TSEN34: variants seen among roughly 807,000 people sequenced by gnomAD.
The protein encoded by TSEN34 is tRNA splicing endonuclease subunit 34, also known as tRNA-splicing endonuclease subunit Sen34.
A neutral mutation model predicts 30.2 loss-of-function variants in TSEN34; 25 were observed. The observed-to-expected ratio is 0.83, with a 90% CI of 0.60 to 1.16. The LOEUF (loss-of-function observed/expected upper bound fraction) is 1.16. Ranked by LOEUF, TSEN34 falls within the 50% of genes most tolerant of loss-of-function variation. The pLI is 0.00. For missense variants in TSEN34, 475 were observed against 411.9 expected (o/e 1.15, Z -1.33); for synonymous variants, 209 against 177.4 (o/e 1.18, Z -1.41).
rs11879943 is a variant in TSEN34 at position 54,192,316 on chromosome 19, C to G, written c.688C>G (p.Arg230Gly). ...CAGTATCTACAGAGACCTGTGGGAG[C>G]GAGGCTTCTTCCTCAGTGCGGCTGG... ...RYSIYRDLWE[R>G]GFFLSAAGKF... The change falls in exon 3 of 4, where the codon CGA (arginine) becomes GGA (glycine). Residue 230 changes from arginine to glycine, a missense_variant. Physicochemically the swap from Arg to Gly is moderately radical, Grantham distance 125 (BLOSUM62 -2). Transcript: ENST00000396388. 2 of 1,614,070 alleles carry G rather than the reference C, an allele frequency of 1.2e-6. No homozygotes were observed. Among genetic ancestry groups the G allele is most frequent in the Non-Finnish European group, 1.7e-6 (2 of 1,180,024 alleles).
At chr19:54,192,426 G>T in intron 3 of TSEN34, 53 bp downstream of exon 3, 2 of 1,564,274 alleles carry the variant, frequency 1.3e-6, no homozygotes, top group Non-Finnish European at 1.7e-6. Context: ...CGATCCCAAT[G>T]TATTCTGCGT....
chr19:54,193,746 G>A lies in TSEN34; in HGVS notation c.*384G>A, dbSNP rs1052800195. 6 of 713,872 alleles carry A rather than the reference G, an allele frequency of 8.4e-6. No homozygotes were observed. In the African/African-American group the frequency reaches 1.0e-4, roughly 12 times the overall value. 44.2% of individuals were successfully genotyped at this position (713,872 alleles called of 1,614,324 possible). On this transcript the variant is annotated 3_prime_UTR_variant, in exon 4 of 4. Coordinates refer to ENST00000396388, the MANE Select transcript of TSEN34 (RefSeq NM_001077446.4). ...GTACAGGTGAGAAAAAGGCCTGGAGGAGGGGGACTGACTTGCCCAAAGTCA... is the reference window on the plus strand; with the variant it reads ...GTACAGGTGAGAAAAAGGCCTGGAGAAGGGGGACTGACTTGCCCAAAGTCA...
Position 54,194,458 on chromosome 19 carries a change from A to ATT in TSEN34, c.*1098_*1099dup, listed in dbSNP as rs907308364. 2.6e-5 allele frequency: 4 copies of ATT among 152,182 alleles called. No homozygotes were observed. The highest frequency in any genetic ancestry group is 9.7e-5 in the African/African-American group (4 of 41,436). The allele number at this position is 152,182 out of a possible 1,614,324, so 9.4% of individuals were successfully genotyped here. ...GTAAAAAATTTGCACTTATGAAATC[A>ATT]TTTACCCATGTTTTTGCTTAAGAAA... On this transcript the variant is annotated 3_prime_UTR_variant, in exon 4 of 4. Coordinates refer to ENST00000396388, the MANE Select transcript of TSEN34 (RefSeq NM_001077446.4).
upstream of TSEN34, chr19:54,191,210 C>G (rs1208907081): frequency 4.3e-6 from 6 of 1,402,732 alleles, no homozygotes; most frequent in Middle Eastern, 2.6e-4. Context: ...GGCGCTCGGG[C>G]CCAGCAGGTG....
upstream of TSEN34, chr19:54,190,275 G>T: frequency 7.9e-7 from 1 of 1,264,132 alleles, no homozygotes; most frequent in East Asian, 2.6e-5. Flanking sequence ...GGATGACGAA[G>T]TTGACGAGGG....
Position 54,191,709 on chromosome 19 carries a change from T to C in TSEN34, c.244-12T>C, listed in dbSNP as rs773742274. 6.2e-7 allele frequency: 1 copy of C among 1,613,846 alleles called. No individual in the cohort carries two copies. On this transcript the variant is annotated splice_polypyrimidine_tract_variant and intron_variant, in intron 1 of 3. Coordinates refer to ENST00000396388, the MANE Select transcript of TSEN34 (RefSeq NM_001077446.4). ...CATAAGCTTGGAGGTTCCAGCGAAG[T>C]GTGCTTCTCAGGCCCTGACATCCTT...
In TSEN34 at chr19:54,191,864, G is replaced by A; in HGVS notation, c.387G>A (p.Gln129=). 6.2e-7 allele frequency: 1 copy of A among 1,614,142 alleles called. No individual in the cohort carries two copies. Among genetic ancestry groups the A allele is most frequent in the Non-Finnish European group, 8.5e-7 (1 of 1,180,010 alleles). ...GQAAKKQKLE[Q]ASGASSSQEA... is the part of the protein sequence containing the mutation. ...CTGCTAAGAAGCAGAAACTAGAACA[G>A]GCTTCAGGGGCCAGCTCAAGCCAGG... The change falls in exon 2 of 4, where the codon CAG becomes CAA. Residue 129 remains glutamine (Q), a synonymous_variant. Transcript: ENST00000396388.
At chr19:54,192,424 A>G (rs1464231640) in intron 3 of TSEN34, 51 bp downstream of exon 3, 7 of 1,602,082 alleles carry the variant, frequency 4.4e-6, no homozygotes, top group Non-Finnish European at 6.0e-6. Context: ...TACGATCCCA[A>G]TGTATTCTGC....
At chr19:54,191,645 C>CG (rs1206502194) in intron 1 of TSEN34, 38 bp downstream of exon 1, 5 of 1,607,984 alleles carry the variant, frequency 3.1e-6, no homozygotes, top group Non-Finnish European at 4.2e-6. Flanking sequence ...TCGGTGGGAG[C>CG]GGGACCTGGG....
chr19:54,193,518 C>A lies in TSEN34; in HGVS notation c.*156C>A. On this transcript the variant is annotated 3_prime_UTR_variant, in exon 4 of 4. Coordinates refer to ENST00000396388, the MANE Select transcript of TSEN34 (RefSeq NM_001077446.4). ...AACACTACATCTTTTTTATGTTCTT[C>A]CTTGTTTCAAAGCACTTATTGGCTG... The A allele has an allele frequency of 6.5e-7, 1 of 1,540,076 alleles. No homozygotes were observed.
Position 54,191,536 on chromosome 19 carries a change from C to G in TSEN34, c.172C>G (p.Arg58Gly). The G allele has an allele frequency of 6.2e-7, 1 of 1,600,530 alleles. No homozygotes were observed. Among genetic ancestry groups the G allele is most frequent in the Non-Finnish European group, 8.5e-7 (1 of 1,178,716 alleles). The change falls in exon 1 of 4, where the codon CGG (arginine) becomes GGG (glycine). Residue 58 changes from arginine to glycine, a missense_variant. By Grantham distance (125) the Arg-to-Gly change is moderately radical (BLOSUM62 -2). Coordinates refer to ENST00000396388, the MANE Select transcript of TSEN34 (RefSeq NM_001077446.4). The part of the protein sequence containing the change: ...LPLLLMPEEA[R>G]LLAEIGAVTL... ...GCTGCTGCTGATGCCCGAAGAGGCGCGGCTCTTGGCCGAGATCGGCGCCGT... is the reference window on the plus strand; with the variant it reads ...GCTGCTGCTGATGCCCGAAGAGGCGGGGCTCTTGGCCGAGATCGGCGCCGT...
chr19:54,193,232 C>T lies in TSEN34; in HGVS notation c.803C>T (p.Thr268Ile), dbSNP rs2147090391. Residue 268 changes from threonine to isoleucine, a missense_variant, in exon 4 of 4, where the codon ACC (threonine) becomes ATC (isoleucine). Coordinates refer to ENST00000396388, the MANE Select transcript of TSEN34 (RefSeq NM_001077446.4). ...YIAQCWAPED[T>I]IPLQDLVAAG... is the part of the protein sequence containing the mutation. ...GCTCAGTGCTGGGCCCCTGAGGACA[C>T]CATCCCACTCCAAGACCTGGTTGCT... 6.2e-7 allele frequency: 1 copy of T among 1,614,106 alleles called. No homozygotes were observed. The highest frequency in any genetic ancestry group is 8.5e-7 in the Non-Finnish European group (1 of 1,180,024).
rs593073 is a variant in TSEN34, at chr19:54,191,312, C to G, written c.-53C>G. On this transcript the variant is annotated 5_prime_UTR_variant, in exon 1 of 4. Transcript: ENST00000396388. ...AGGCTTTGGGTGCGCTGCAGCGGTC[C>G]GCGGCGCGCAGCTGTTTCGGTAACT... The G allele has an allele frequency of 1.3e-6, 2 of 1,546,776 alleles. No homozygotes were observed. The highest frequency in any genetic ancestry group is 1.2e-5 in the South Asian group (1 of 83,900).
At chr19:54,190,491 G>C, upstream of TSEN34, 1 of 1,378,560 alleles carries the variant, frequency 7.3e-7, no homozygotes, top group African/African-American at 1.5e-5. Context: ...GGGTGTCCAG[G>C]GGGCGGGGCT....
rs1415495783 is a variant in TSEN34, at chr19:54,193,597, G to T, written c.*235G>T. 1 of 1,429,568 alleles carries T rather than the reference G, an allele frequency of 7.0e-7. No homozygotes were observed. The allele number at this position is 1,429,568 out of a possible 1,614,324, so 88.6% of individuals were successfully genotyped here. ...GTGAGCTTCCCGAGAATGGGGCCTG[G>T]GTTTGATTCATCTGTTTTCTACAGG... On this transcript the variant is annotated 3_prime_UTR_variant, in exon 4 of 4. Transcript: ENST00000396388.
upstream of TSEN34, chr19:54,190,172 G>C: frequency 3.4e-6 from 2 of 587,456 alleles, no homozygotes; most frequent in Non-Finnish European, 6.0e-6. Context: ...GGTGCGCTCA[G>C]TGGGGCGGAG....
Position 54,193,641 on chromosome 19 carries a change from C to G in TSEN34, c.*279C>G, listed in dbSNP as rs775786797. 9.4e-7 allele frequency: 1 copy of G among 1,058,776 alleles called. No individual in the cohort carries two copies. The highest frequency in any genetic ancestry group is 2.0e-4 in the Middle Eastern group (1 of 5,080). The allele number at this position is 1,058,776 out of a possible 1,614,324, so 65.6% of individuals were successfully genotyped here. A position where few individuals can be genotyped will look rare whatever the true frequency, so the allele number is the denominator to read the frequency against. On this transcript the variant is annotated 3_prime_UTR_variant, in exon 4 of 4. Transcript: ENST00000396388. Reference sequence around the variant, plus strand: ...CTACAGGGTTTAAGTCTCAGGAGGTCTCAATAAACTTGGTATATAAATGTT... The same window carrying G: ...CTACAGGGTTTAAGTCTCAGGAGGTGTCAATAAACTTGGTATATAAATGTT...
chr19:54,190,543 TGGGGTGC>T, upstream of TSEN34: 1 of 1,244,846 alleles, frequency 8.0e-7, no homozygotes. Context: ...ACTCCCCAAC[TGGGGTGC>T]GCTGGCGCTC....
chr19:54,190,839 A>G (rs1372562887), upstream of TSEN34: 3 of 1,054,466 alleles, frequency 2.8e-6, no homozygotes, highest in Admixed American at 5.4e-5. Flanking sequence ...TCGTTCGGAA[A>G]GAGGAGGAGC....
Sources: allele counts gnomAD v4.1 joint callset, GRCh38; gene constraint gnomAD v4.1.1; transcripts MANE v1.5; gene names NCBI Gene and HGNC (gene_info 2026-07-23, HGNC 2026-07-21).